TMEM131: variants seen among roughly 807,000 people sequenced by gnomAD.
The protein encoded by TMEM131 is transmembrane protein 131.
A neutral mutation model predicts 211.6 loss-of-function variants in TMEM131; 66 were observed. The observed-to-expected ratio is 0.31, with a 90% CI of 0.26 to 0.38. TMEM131 has a LOEUF of 0.38. Ranked by LOEUF, TMEM131 falls within the 10% of genes least tolerant of loss-of-function variation. The probability of loss-of-function intolerance (pLI) is 1.00; values close to 1 mark genes in which losing one functional copy is unlikely to be tolerated. For missense variants in TMEM131, 2,036 were observed against 2,299.3 expected, an observed-to-expected ratio of 0.89 and a Z score of 2.34; for synonymous variants, 844 against 841.3, an observed-to-expected ratio of 1.00 and a Z score of -0.06.
At chr2:97,802,349 CA>C (rs11340992) in intron 24 of TMEM131, 78 bp downstream of exon 24, 362,441 of 1,076,922 alleles carry the variant, frequency 0.34, 65,840 homozygotes, top group African/African-American at 0.52. Flanking sequence ...GTATGAGCTG[CA>C]AATAAGGCTT....
At chr2:97,887,671 G>A (rs1312422902) in intron 4 of TMEM131, 1 of 160,782 alleles carries the variant, frequency 6.2e-6, no homozygotes, top group Non-Finnish European at 1.4e-5. Context: ...TGATATATAA[G>A]AGCTTGTCTA....
chr2:97,765,668 T>C (rs1005921019), intron 35 of TMEM131, among the ~76,000 whole-genome samples: 1 of 152,186 alleles, frequency 6.6e-6, no homozygotes, highest in Non-Finnish European at 1.5e-5. Flanking sequence ...TTTGTGTAGG[T>C]TGCTCATGTA....
Position 97,886,131 on chromosome 2 carries a change from CCTGT to C in TMEM131, c.359+1917_359+1920del, listed in dbSNP as rs1374559900. ...TTCTGTTTGGTTCTTTGTTATGTTA[CCTGT>C]CTCTTTGTTGAATTTCTTATTCAAA... On this transcript the variant is annotated intron_variant, in intron 4 of 40. Transcript: ENST00000186436. Among the ~76,000 whole-genome samples, 7 of 152,052 alleles carry C rather than the reference CCTGT, an allele frequency of 4.6e-5. No homozygotes were observed. In the East Asian group the frequency reaches 1.4e-3, roughly 29 times the overall value.
chr2:97,843,102 ATG>A (rs1683275948), intron 6 of TMEM131, among the ~76,000 whole-genome samples: 1 of 148,940 alleles, frequency 6.7e-6, no homozygotes, highest in South Asian at 2.1e-4. Context: ...CTGTAAAGTA[ATG>A]TGTCAGAGCT....
chr2:97,762,350 G>A (rs1022567234), intron 35 of TMEM131, 150 bp from the exon 36 acceptor site: 3 of 753,118 alleles, frequency 4.0e-6, no homozygotes, highest in Non-Finnish European at 6.2e-6. Flanking sequence ...TGTTTAACAG[G>A]TTTTAAAGAG....
In TMEM131 at chr2:97,837,062, T is replaced by A. The variant is rs1368796786; in HGVS notation, c.804+15A>T. On this transcript the variant is annotated intron_variant, in intron 8 of 40. Transcript: ENST00000186436. ...CATGGGAGCACACACAAGAGAAAAC[T>A]AGGTTACAACTCACCCACAGTTTTC... The A allele has an allele frequency of 6.2e-7, 1 of 1,610,570 alleles. No homozygotes were observed. The highest frequency in any genetic ancestry group is 1.3e-5 in the African/African-American group (1 of 74,758).
Position 97,757,121 on chromosome 2 carries a change from G to A in TMEM131, c.5630C>T (p.Ser1877Leu), listed in dbSNP as rs201320556. ...AATTTAATTCTCGTGAGGAAAGTGC[G>A]AATTAGACCAAGGGTCCGAGCTTCT... ...GRRSSDPWSN[S>L]HFPHEN Residue 1877 changes from serine to leucine, a missense_variant, in exon 41 of 41, where the codon TCG becomes TTG. Ser to Leu is a moderately radical substitution (Grantham distance 145). Around this residue, in one of 3 missense-constraint regions of TMEM131, gnomAD observed 1,623 missense variants for 1,805.9 expected, o/e 0.90. Coordinates refer to ENST00000186436, the MANE Select transcript of TMEM131 (RefSeq NM_015348.2). The A allele has an allele frequency of 4.2e-5, 67 of 1,604,800 alleles. No homozygotes were observed. Among genetic ancestry groups the A allele is most frequent in the Non-Finnish European group, 5.4e-5 (63 of 1,173,740 alleles).
rs771911652 is a variant in TMEM131, at chr2:97,792,702, C to T, written c.3828G>A (p.Ala1276=). The change falls in exon 31 of 41, where the codon GCG becomes GCA. Residue 1276 remains alanine (A), a synonymous_variant. Transcript: ENST00000186436. ...GCTTTGCCCCTTTGGACTTTCTGCCCGCTGTATGACCTTGAGTCACTGTGT... is the reference window on the plus strand; with the variant it reads ...GCTTTGCCCCTTTGGACTTTCTGCCTGCTGTATGACCTTGAGTCACTGTGT... ...DSNTVTQGHT[A]GRKSKGAKQS... The T allele has an allele frequency of 5.0e-6, 8 of 1,613,908 alleles. No individual in the cohort carries two copies. The East Asian group carries it at 8.9e-5, about 18-fold the overall frequency.
At chr2:97,811,299 T>TG (rs1681538681) in intron 17 of TMEM131, 67 bp from the exon 18 acceptor site, 2 of 1,191,988 alleles carry the variant, frequency 1.7e-6, no homozygotes, top group East Asian at 4.7e-5. Flanking sequence ...AAAATGGACA[T>TG]GAAGGGTGTA....
chr2:97,943,325 T>C (rs1220382591), intron 1 of TMEM131, among the ~76,000 whole-genome samples: 2 of 152,220 alleles, frequency 1.3e-5, no homozygotes, highest in African/African-American at 4.8e-5. Flanking sequence ...AAGCAATTCA[T>C]ACCCTGATAC....
At chr2:97,772,189 T>A (rs1202919346) in intron 33 of TMEM131, 108 bp downstream of exon 33, 1 of 1,351,202 alleles carries the variant, frequency 7.4e-7, no homozygotes, top group Non-Finnish European at 1.0e-6. Context: ...TGCTATCAAC[T>A]CCCCTAAAAG....
intron 12 of TMEM131, 59 bp from the exon 13 acceptor site, chr2:97,815,366 A>G (rs1681772786): frequency 1.9e-6 from 2 of 1,061,788 alleles, no homozygotes; most frequent in African/African-American, 1.7e-5. Flanking sequence ...AGAATTAGTG[A>G]ATTTATGTAA....
chr2:97,847,199 G>A (rs1683492693), intron 5 of TMEM131, among the ~76,000 whole-genome samples: 1 of 149,888 alleles, frequency 6.7e-6, no homozygotes, highest in South Asian at 2.1e-4. Flanking sequence ...AAAATAAAGT[G>A]CAAAGAAGTG....
intron 1 of TMEM131, among the ~76,000 whole-genome samples, chr2:97,981,583 T>C (rs1679801258): frequency 6.6e-6 from 1 of 152,202 alleles, no homozygotes; most frequent in East Asian, 1.9e-4. Context: ...GCCTATCAAT[T>C]TTTAATAAAA....
chr2:97,860,538 T>C (rs1174111816), intron 4 of TMEM131, among the ~76,000 whole-genome samples: 1 of 152,278 alleles, frequency 6.6e-6, no homozygotes, highest in African/African-American at 2.4e-5. Context: ...AACTTCATTT[T>C]ATATTTCGTT....
chr2:97,848,534 T>C (rs1217153971), intron 5 of TMEM131, among the ~76,000 whole-genome samples: 1 of 152,202 alleles, frequency 6.6e-6, no homozygotes, highest in Non-Finnish European at 1.5e-5. Flanking sequence ...TAATACTTAA[T>C]ACAATGTAAA....
chr2:97,816,460 T>G (rs1400078931), intron 12 of TMEM131, among the ~76,000 whole-genome samples: 1 of 152,248 alleles, frequency 6.6e-6, no homozygotes. Flanking sequence ...AAGCTGTTTA[T>G]GTTTATCCTC....
intron 2 of TMEM131, among the ~76,000 whole-genome samples, chr2:97,925,284 G>A (rs1398795890): frequency 6.6e-5 from 10 of 152,138 alleles, no homozygotes; most frequent in Non-Finnish European, 1.2e-4. Flanking sequence ...ATCTTTCAAA[G>A]GAACAGGTTA....
At chr2:97,952,865 G>A (rs1678386744) in intron 1 of TMEM131, among the ~76,000 whole-genome samples, 1 of 152,158 alleles carries the variant, frequency 6.6e-6, no homozygotes, top group Non-Finnish European at 1.5e-5. Flanking sequence ...CTGGGTGACA[G>A]AGTGAAACCC....
Sources: allele counts gnomAD v4.1 joint callset (sites outside exome capture counted in the v4.1 genomes callset), GRCh38; gene constraint gnomAD v4.1.1; regional missense constraint gnomAD v4.1.1; transcripts MANE v1.5; gene names NCBI Gene and HGNC (gene_info 2026-07-23, HGNC 2026-07-21).